MROH7: variants seen among roughly 807,000 people sequenced by gnomAD.
The protein encoded by MROH7 is maestro heat-like repeat-containing protein family member 7.
MROH7 carries 113 observed loss-of-function variants against 129.2 expected under a neutral mutation model. The observed-to-expected ratio is 0.87, with a 90% CI of 0.75 to 1.02. The LOEUF (loss-of-function observed/expected upper bound fraction) is 1.02. MROH7 is among the 50% of genes least tolerant of loss of function. The pLI is 0.00. For missense variants in MROH7, 1,601 were observed against 1,671.3 expected (o/e 0.96, Z 0.73); for synonymous variants, 655 against 667.9 (o/e 0.98, Z 0.30).
chr1:54,702,571 A>G, intron 20 of MROH7, 52 bp from the exon 21 acceptor site: 1 of 1,465,892 alleles, frequency 6.8e-7, no homozygotes, highest in East Asian at 2.4e-5. Flanking sequence ...CTTTTTCTGG[A>G]CCATAGTCTG....
chr1:54,696,498 T>C (rs1645324328), intron 17 of MROH7, among the ~76,000 whole-genome samples: 1 of 152,046 alleles, frequency 6.6e-6, no homozygotes, highest in South Asian at 2.1e-4. Context: ...CCTCAGCCCC[T>C]AGTAACCTCT....
chr1:54,654,017 G>A lies in MROH7; in HGVS notation c.1091G>A (p.Ser364Asn). Residue 364 changes from serine to asparagine, a missense_variant, in exon 3 of 24, where the codon AGC becomes AAC. Transcript: ENST00000421030. ...SSQQDDAKDN[S>N]IHTVPLEENL... Reference sequence around the variant, plus strand: ...CAGCAGGATGATGCCAAGGACAACAGCATCCACACTGTGCCCCTGGAGGAG... The same window carrying A: ...CAGCAGGATGATGCCAAGGACAACAACATCCACACTGTGCCCCTGGAGGAG... The A allele has an allele frequency of 6.2e-7, 1 of 1,614,226 alleles. No homozygotes were observed.
intron 22 of MROH7, among the ~76,000 whole-genome samples, chr1:54,707,185 A>C (rs2101246854): frequency 6.6e-6 from 1 of 152,264 alleles, no homozygotes; most frequent in Admixed American, 6.5e-5. Context: ...CCTTGACCAG[A>C]GCCCCCGACA....
chr1:54,671,147 G>A (rs1021843969), intron 7 of MROH7, among the ~76,000 whole-genome samples: 1 of 152,180 alleles, frequency 6.6e-6, no homozygotes, highest in Non-Finnish European at 1.5e-5. Context: ...CAGCACTTTG[G>A]GAGGCTGAGC....
chr1:54,691,274 T>C (rs1645233849), intron 15 of MROH7, among the ~76,000 whole-genome samples: 1 of 152,154 alleles, frequency 6.6e-6, no homozygotes, highest in Non-Finnish European at 1.5e-5. Context: ...AGGAGAAGCT[T>C]TTATTTTCAC....
chr1:54,673,918 T>A, intron 9 of MROH7, 98 bp from the exon 10 acceptor site: 1 of 1,531,428 alleles, frequency 6.5e-7, no homozygotes, highest in Non-Finnish European at 9.0e-7. Flanking sequence ...TTCAGAGGGC[T>A]GTGCTATCTG....
chr1:54,659,696 A>T (rs1333418149), intron 3 of MROH7, among the ~76,000 whole-genome samples: 2 of 151,996 alleles, frequency 1.3e-5, no homozygotes, highest in Non-Finnish European at 2.9e-5. Flanking sequence ...CAGGTGATCC[A>T]CCTGCCTCGG....
rs775977299 is a variant in MROH7 at position 54,686,276 on chromosome 1, G to C, written c.2539G>C (p.Glu847Gln). The C allele has an allele frequency of 7.4e-6, 12 of 1,613,726 alleles. No homozygotes were observed. Among genetic ancestry groups the C allele is most frequent in the Non-Finnish European group, 1.0e-5 (12 of 1,179,868 alleles). ...CCCATAGGCAGCCAGCGGCCTGTGC[G>C]AGCTCCTGTCCGTCAACAGCTGCAT... Reference protein sequence around the residue: ...VPLAAASGLCELLSVNSCMGR... With the variant: ...VPLAAASGLCQLLSVNSCMGR... The change falls in exon 15 of 24, where the codon GAG becomes CAG. Residue 847 changes from glutamate (E) to glutamine (Q), a missense_variant. Transcript: ENST00000421030.
chr1:54,709,306 C>A (rs773037368), intron 23 of MROH7, among the ~76,000 whole-genome samples: 17 of 152,144 alleles, frequency 1.1e-4, no homozygotes, highest in South Asian at 2.1e-4. Flanking sequence ...TGCAACCTCT[C>A]GCTCCTGGTT....
chr1:54,696,589 C>A (rs994386721), intron 17 of MROH7, among the ~76,000 whole-genome samples: 4 of 150,928 alleles, frequency 2.7e-5, no homozygotes, highest in Non-Finnish European at 4.4e-5. Flanking sequence ...TCCTTTTGTG[C>A]CTGGCTGTTT....
Position 54,653,032 on chromosome 1 carries a change from C to G in MROH7, c.106C>G (p.Gln36Glu). Reference sequence around the variant, plus strand: ...GGGATTAGGGTCTGGTACCATCCCTCAGCCCCACCCAGACATGGCTCAGGT... The same window carrying G: ...GGGATTAGGGTCTGGTACCATCCCTGAGCCCCACCCAGACATGGCTCAGGT... ...APGLGSGTIPQPHPDMAQVPM... is the reference protein window; with the variant it reads ...APGLGSGTIPEPHPDMAQVPM... Residue 36 changes from glutamine to glutamate, a missense_variant, in exon 3 of 24, where the codon CAG becomes GAG. By Grantham distance (29) the Gln-to-Glu change is conservative. Transcript: ENST00000421030. The G allele has an allele frequency of 6.2e-7, 1 of 1,614,212 alleles. No individual in the cohort carries two copies. The highest frequency in any genetic ancestry group is 8.5e-7 in the Non-Finnish European group (1 of 1,180,040).
intron 4 of MROH7, 44 bp downstream of exon 4, chr1:54,665,284 TC>T: frequency 6.5e-7 from 1 of 1,530,890 alleles, no homozygotes; most frequent in East Asian, 2.3e-5. Context: ...CTGGGATACT[TC>T]CATCCTGCCA....
At chr1:54,697,242 C>T in intron 17 of MROH7, 1 of 165,064 alleles carries the variant, frequency 6.1e-6, no homozygotes, top group East Asian at 1.7e-4. Flanking sequence ...TTAAACTGAA[C>T]CTTAAAGTTT....
At chr1:54,680,508 A>C (rs580851) in intron 13 of MROH7, among the ~76,000 whole-genome samples, 43,256 of 151,846 alleles carry the variant, frequency 0.28, 6,217 homozygotes, top group East Asian at 0.33. Context: ...GATCCCTGCA[A>C]TCCCACCCCA....
chr1:54,671,265 C>T (rs2659484), intron 7 of MROH7, among the ~76,000 whole-genome samples: 87,567 of 151,816 alleles, frequency 0.58, 26,368 homozygotes, highest in East Asian at 0.76. Flanking sequence ...CCGGGCGTGG[C>T]AGCGGGCGCC....
rs1261221476 is a variant in MROH7 at position 54,673,598 on chromosome 1, CT to C, written c.1696-102del. The C allele has an allele frequency of 1.2e-4, 95 of 824,618 alleles. No homozygotes were observed. The South Asian group carries it at 1.3e-3, about 12-fold the overall frequency. The allele number at this position is 824,618 out of a possible 1,614,324, so 51.1% of individuals were successfully genotyped here. A position where few individuals can be genotyped will look rare whatever the true frequency, so the allele number is the denominator to read the frequency against. ...GGAGGGCTGTGGTGACCTTTATACC[CT>C]CTCTGGAAGCTTCCTGCTGATGGGT... is the stretch of plus-strand genomic sequence containing the variant. On this transcript the variant is annotated intron_variant, in intron 8 of 23. Transcript: ENST00000421030.
Position 54,653,161 on chromosome 1 carries a change from A to G in MROH7, c.235A>G (p.Asn79Asp). 1.1e-5 allele frequency: 17 copies of G among 1,614,130 alleles called. No individual in the cohort carries two copies. Among genetic ancestry groups the G allele is most frequent in the Non-Finnish European group, 1.4e-5 (17 of 1,180,010 alleles). ...SGEASGLVSE[N>D]TPRPDDSRAI... is the part of the protein sequence containing the mutation. ...GGAGGCCTCAGGCCTGGTGTCTGAA[A>G]ACACCCCCAGACCTGATGACAGCAG... Residue 79 changes from asparagine (N) to aspartate (D), a missense_variant, in exon 3 of 24, where the codon AAC becomes GAC. Asn to Asp is a conservative substitution (Grantham distance 23). Transcript: ENST00000421030.
chr1:54,664,490 G>T (rs1260376046), intron 3 of MROH7, among the ~76,000 whole-genome samples: 1 of 152,190 alleles, frequency 6.6e-6, no homozygotes, highest in Non-Finnish European at 1.5e-5. Flanking sequence ...GGGAACCACC[G>T]TGCAAAGGCC....
chr1:54,708,961 G>C, intron 22 of MROH7, 53 bp from the exon 23 acceptor site: 5 of 1,547,076 alleles, frequency 3.2e-6, no homozygotes, highest in Non-Finnish European at 4.5e-6. Flanking sequence ...GGTGGGTTGG[G>C]GTGGGGTCGA....
Sources: allele counts gnomAD v4.1 joint callset (sites outside exome capture counted in the v4.1 genomes callset), GRCh38; gene constraint gnomAD v4.1.1; transcripts MANE v1.5; gene names NCBI Gene and HGNC (gene_info 2026-07-23, HGNC 2026-07-21).